ZNF180: variants seen among roughly 807,000 people sequenced by gnomAD.
The protein encoded by ZNF180 is zinc finger protein 180.
ZNF180 carries 11 observed loss-of-function variants against 11.8 expected under a neutral mutation model. That is an observed-to-expected ratio of 0.93 (90% CI 0.59 to 1.55). The LOEUF (loss-of-function observed/expected upper bound fraction) is 1.55. Ranked by LOEUF, ZNF180 falls within the 40% of genes most tolerant of loss-of-function variation. ZNF180 has a pLI of 0.00. For synonymous variants in ZNF180, 287 were observed against 257.7 expected (o/e 1.11, Z -1.09); for missense variants, 773 against 781.7 (o/e 0.99, Z 0.13).
chr19:44,490,176 G>GGA (rs1442184881), intron 2 of ZNF180, among the ~76,000 whole-genome samples: 86,059 of 135,888 alleles, frequency 0.63, 28,373 homozygotes, highest in East Asian at 0.9. Flanking sequence ...GGGAGGGAGG[G>GGA]AGGGAGGGAG....
intron 3 of ZNF180, among the ~76,000 whole-genome samples, chr19:44,481,365 C>A (rs879821407): frequency 2.6e-5 from 4 of 152,122 alleles, no homozygotes; most frequent in Non-Finnish European, 1.5e-5. Flanking sequence ...ATTAGCCCAA[C>A]GTGAAATTCA....
chr19:44,482,167 T>C (rs2686757), intron 3 of ZNF180, among the ~76,000 whole-genome samples: 111,705 of 151,946 alleles, frequency 0.74, 41,783 homozygotes, highest in East Asian at 1. Flanking sequence ...ATTAGCCAGG[T>C]GTGCTGGTGC....
chr19:44,489,441 C>T (rs1257725933), intron 2 of ZNF180, among the ~76,000 whole-genome samples: 2 of 138,210 alleles, frequency 1.4e-5, no homozygotes, highest in African/African-American at 2.6e-5. Context: ...GATCTTACCC[C>T]CAACCCTGTG....
intron 2 of ZNF180, among the ~76,000 whole-genome samples, chr19:44,488,378 C>A (rs1205671084): frequency 6.6e-6 from 1 of 152,194 alleles, no homozygotes; most frequent in Non-Finnish European, 1.5e-5. Context: ...GATTCTCCTG[C>A]CTCAGCCTGC....
chr19:44,478,613 T>C (rs970327609), intron 4 of ZNF180, among the ~76,000 whole-genome samples: 1 of 152,226 alleles, frequency 6.6e-6, no homozygotes, highest in East Asian at 1.9e-4. Flanking sequence ...GAGGAAACTA[T>C]GTTTGTGAAC....
rs774958501 is a variant in ZNF180, at chr19:44,477,561, C to T, written c.839G>A (p.Gly280Glu). 1.2e-6 allele frequency: 2 copies of T among 1,614,004 alleles called. No individual in the cohort carries two copies. Among genetic ancestry groups the T allele is most frequent in the East Asian group, 2.2e-5 (1 of 44,870 alleles). ...GGKTFDFKEC[G>E]QVLNPKISHN... ...GGATATTTTGGGGTTCAAAACCTGC[C>T]CACATTCTTTAAAATCAAAGGTTTT... Residue 280 changes from glycine to glutamate, a missense_variant, in exon 5 of 5, where the codon GGG becomes GAG. Physicochemically the swap from Gly to Glu is moderately conservative, Grantham distance 98. Transcript: ENST00000592529.
intron 2 of ZNF180, chr19:44,496,672 C>CAAAAAAAAAAA (rs55678572): frequency 3.1e-4 from 22 of 71,598 alleles, no homozygotes; most frequent in South Asian, 4.7e-4. Context: ...GACTCTGTCT[C>CAAAAAAAAAAA]AAAAAAAAAA....
Position 44,484,422 on chromosome 19 carries a change from G to A in ZNF180, c.65C>T (p.Pro22Leu). 1 of 1,613,894 alleles carries A rather than the reference G, an allele frequency of 6.2e-7. No homozygotes were observed. The highest frequency in any genetic ancestry group is 8.5e-7 in the Non-Finnish European group (1 of 1,179,770). Residue 22 changes from proline to leucine, a missense_variant, in exon 3 of 5, where the codon CCT (proline) becomes CTT (leucine). Physicochemically the swap from Pro to Leu is moderately conservative, Grantham distance 98. Transcript: ENST00000592529. The stretch of plus-strand genomic sequence containing the variant: ...CTCGACTTTGATGATAATCTCTTGA[G>A]GAAGGAAAGAATCCTGAAAAGGCAA... ...PKVCAQDSFL[P>L]QEIIIKVEGE...
At chr19:44,480,750 C>T (rs1251608935) in intron 3 of ZNF180, among the ~76,000 whole-genome samples, 1 of 152,124 alleles carries the variant, frequency 6.6e-6, no homozygotes, top group East Asian at 1.9e-4. Context: ...GTGTATGAAA[C>T]AGTTTTGACT....
chr19:44,485,856 T>C (rs960691151), intron 2 of ZNF180, among the ~76,000 whole-genome samples: 1 of 152,252 alleles, frequency 6.6e-6, no homozygotes, highest in African/African-American at 2.4e-5. Flanking sequence ...ACAGAGTTTA[T>C]TCCATTTTTA....
At chr19:44,488,014 C>T (rs6509163) in intron 2 of ZNF180, among the ~76,000 whole-genome samples, 34,905 of 148,850 alleles carry the variant, frequency 0.23, 5,458 homozygotes, top group South Asian at 0.38. Flanking sequence ...CGTGAGCCAC[C>T]GTGCCCAGAC....
At chr19:44,480,398 C>T (rs904003384) in intron 3 of ZNF180, among the ~76,000 whole-genome samples, 6 of 152,336 alleles carry the variant, frequency 3.9e-5, no homozygotes, top group Non-Finnish European at 1.5e-5. Context: ...AGCCACCACA[C>T]CTGACCCAAT....
chr19:44,489,976 A>C (rs1012891961), intron 2 of ZNF180, among the ~76,000 whole-genome samples: 1 of 135,628 alleles, frequency 7.4e-6, no homozygotes, highest in Non-Finnish European at 1.6e-5. Flanking sequence ...GAAAAGAAAG[A>C]AAGAAAGAAA....
intron 3 of ZNF180, among the ~76,000 whole-genome samples, chr19:44,483,808 C>T (rs534430522): frequency 4.6e-5 from 7 of 152,222 alleles, no homozygotes; most frequent in African/African-American, 1.4e-4. Context: ...TGATGAATAA[C>T]TTTTTTTCCT....
intron 2 of ZNF180, among the ~76,000 whole-genome samples, chr19:44,489,329 G>A (rs1419019874): frequency 7.1e-5 from 10 of 140,910 alleles, no homozygotes; most frequent in Non-Finnish European, 1.1e-4. Flanking sequence ...TTGAGAAATC[G>A]GATGGTTGCT....
Position 44,489,279 on chromosome 19 carries a change from G to A in ZNF180, c.52-4844C>T, listed in dbSNP as rs1309105197. Among the ~76,000 whole-genome samples the A allele has an allele frequency of 1.4e-3, 198 of 140,552 alleles. 1 individual carries two copies. Among genetic ancestry groups the A allele is most frequent in the African/African-American group, 2.8e-3 (109 of 39,156 alleles). The allele number at this position is 140,552 out of a possible 152,430, so 92.2% of individuals were successfully genotyped here. On this transcript the variant is annotated intron_variant, in intron 2 of 4. Coordinates refer to ENST00000592529, the MANE Select transcript of ZNF180 (RefSeq NM_001278509.3). ...GAGAACGGGCCATGATGACAATGGCGGTTTTGTGGAATAGAAAAGGGGGAA... is the reference window on the plus strand; with the variant it reads ...GAGAACGGGCCATGATGACAATGGCAGTTTTGTGGAATAGAAAAGGGGGAA...
At chr19:44,497,985 C>T (rs1970634519) in intron 1 of ZNF180, among the ~76,000 whole-genome samples, 1 of 152,126 alleles carries the variant, frequency 6.6e-6, no homozygotes, top group South Asian at 2.1e-4. Context: ...AATAGCCAAG[C>T]ATTTATGCAC....
chr19:44,496,075 G>A (rs952790570), intron 2 of ZNF180, among the ~76,000 whole-genome samples: 1 of 152,100 alleles, frequency 6.6e-6, no homozygotes, highest in African/African-American at 2.4e-5. Flanking sequence ...CTGCAGTGCA[G>A]TGACACAATC....
intron 3 of ZNF180, among the ~76,000 whole-genome samples, chr19:44,483,860 T>C (rs1253936593): frequency 6.6e-6 from 1 of 152,188 alleles, no homozygotes; most frequent in African/African-American, 2.4e-5. Flanking sequence ...GAATTGAATA[T>C]TTTCAATCCC....
Sources: gnomAD v4.1 joint callset for allele counts (sites outside exome capture counted in the v4.1 genomes callset) on GRCh38, gnomAD v4.1.1 for gene constraint, MANE v1.5 for transcripts, NCBI Gene and HGNC (gene_info 2026-07-23, HGNC 2026-07-21) for gene names.